The following NFYA variants were observed in gnomAD, a reference collection of about 807,000 sequenced individuals.
The protein encoded by NFYA is nuclear transcription factor Y subunit alpha.
A neutral mutation model predicts 52.8 loss-of-function variants in NFYA; 28 were observed. That is an observed-to-expected ratio of 0.53 (90% CI 0.39 to 0.73). The LOEUF (loss-of-function observed/expected upper bound fraction) is 0.73, where lower values mean the gene tolerates loss of function less well. NFYA is among the 30% of genes least tolerant of loss of function. The probability of loss-of-function intolerance (pLI) is 0.00; values close to 1 mark genes in which losing one functional copy is unlikely to be tolerated. For synonymous variants in NFYA, 150 were observed against 150.7 expected (o/e 1.00, Z 0.03); for missense variants, 234 against 427.0 (o/e 0.55, Z 3.98).
At position 41,099,105 on chromosome 6, in the gene NFYA, G is replaced by A. The variant is rs113931093; in HGVS notation, c.*1695G>A. ...GTACAGAGCTATGCAAAGGAAACAGGAAGTGAAATATTCCTAGTCCCAGGG... is the reference window on the plus strand; with the variant it reads ...GTACAGAGCTATGCAAAGGAAACAGAAAGTGAAATATTCCTAGTCCCAGGG... On this transcript the variant is annotated 3_prime_UTR_variant, in exon 10 of 10. Transcript: ENST00000341376. 6.6e-6 allele frequency: 1 copy of A among 152,212 alleles called. No individual in the cohort carries two copies. The highest frequency in any genetic ancestry group is 2.4e-5 in the African/African-American group (1 of 41,456). 9.4% of individuals were successfully genotyped at this position (152,212 alleles called of 1,614,324 possible).
intron 9 of NFYA, among the ~76,000 whole-genome samples, chr6:41,095,241 C>T (rs1404856328): frequency 6.6e-6 from 1 of 152,188 alleles, no homozygotes; most frequent in Non-Finnish European, 1.5e-5. Context: ...GCCTTACATG[C>T]TCCAGCTCCT....
At chr6:41,094,856 T>A (rs1764304008) in intron 9 of NFYA, among the ~76,000 whole-genome samples, 1 of 152,236 alleles carries the variant, frequency 6.6e-6, no homozygotes, top group Non-Finnish European at 1.5e-5. Flanking sequence ...CTCTTCGTCT[T>A]TGTCACTTAT....
chr6:41,100,679 C>T lies in NFYA; in HGVS notation c.*3269C>T, dbSNP rs1231676727. Among the ~76,000 whole-genome samples, 1 of 152,222 alleles carries T rather than the reference C, an allele frequency of 6.6e-6. No homozygotes were observed. The highest frequency in any genetic ancestry group is 2.4e-5 in the African/African-American group (1 of 41,458). On this transcript the variant is annotated 3_prime_UTR_variant, in exon 10 of 10. Coordinates refer to ENST00000341376, the MANE Select transcript of NFYA (RefSeq NM_002505.5). The stretch of plus-strand genomic sequence containing the variant: ...CTGTCCTTACCAAATTCAGAGATGA[C>T]CCAAGATTCTACTCTGTGGTATGAG...
At chr6:41,084,288 C>A in intron 4 of NFYA, 96 bp downstream of exon 4, 1 of 1,395,794 alleles carries the variant, frequency 7.2e-7, no homozygotes, top group South Asian at 1.4e-5. Flanking sequence ...TTGCATTTAA[C>A]TGCTTCCTAA....
intron 9 of NFYA, among the ~76,000 whole-genome samples, chr6:41,096,659 C>G (rs574819260): frequency 2.4e-4 from 37 of 152,334 alleles, no homozygotes; most frequent in Admixed American, 1.2e-3. Flanking sequence ...ACCAAGGCTT[C>G]AGAGCCTTGG....
chr6:41,082,892 A>G lies in NFYA; in HGVS notation c.163-1154A>G, dbSNP rs181434629. ...CAGTTTAACAAAACTTAGGATTTCAATGTTCCTGGTGATTCTAATACATTA... is the reference window on the plus strand; with the variant it reads ...CAGTTTAACAAAACTTAGGATTTCAGTGTTCCTGGTGATTCTAATACATTA... On this transcript the variant is annotated intron_variant, in intron 3 of 9. Coordinates refer to ENST00000341376, the MANE Select transcript of NFYA (RefSeq NM_002505.5). Among the ~76,000 whole-genome samples, 68 of 152,296 alleles carry G rather than the reference A, an allele frequency of 4.5e-4. No homozygotes were observed. The East Asian group carries it at 5.0e-3, about 11-fold the overall frequency.
chr6:41,090,271 A>G lies in NFYA; in HGVS notation c.509A>G (p.Tyr170Cys), dbSNP rs756585756. 6 of 1,614,032 alleles carry G rather than the reference A, an allele frequency of 3.7e-6. No individual in the cohort carries two copies. Among genetic ancestry groups the G allele is most frequent in the South Asian group, 2.2e-5 (2 of 91,076 alleles). The change falls in exon 6 of 10, where the codon TAT (tyrosine) becomes TGT (cysteine). Residue 170 changes from tyrosine to cysteine, a missense_variant. By Grantham distance (194) the Tyr-to-Cys change is radical (BLOSUM62 -2). Transcript: ENST00000341376. ...AQTAEGQTIV[Y>C]QPVNADGTIL... ...ACTGCTGAAGGGCAGACCATCGTCT[A>G]TCAACCAGTTAATGCAGATGGCACC... is the stretch of plus-strand genomic sequence containing the variant.
intron 6 of NFYA, among the ~76,000 whole-genome samples, chr6:41,090,727 C>G (rs1195337503): frequency 1.3e-5 from 2 of 152,074 alleles, no homozygotes; most frequent in African/African-American, 4.8e-5. Context: ...GAAGGGTCCT[C>G]AAAGAGCCTC....
chr6:41,094,259 G>A (rs746413326), intron 8 of NFYA, 137 bp from the exon 9 acceptor site: 13 of 655,244 alleles, frequency 2.0e-5, no homozygotes, highest in Non-Finnish European at 2.9e-5. Flanking sequence ...AGCTTCCATC[G>A]TCATTCTAAG....
chr6:41,094,334 C>G, intron 8 of NFYA, 62 bp from the exon 9 acceptor site: 1 of 1,400,604 alleles, frequency 7.1e-7, no homozygotes, highest in Non-Finnish European at 1.0e-6. Context: ...AATTTGTGCA[C>G]TAGATAACTG....
intron 9 of NFYA, among the ~76,000 whole-genome samples, chr6:41,097,017 C>T (rs183659577): frequency 1.3e-5 from 2 of 152,292 alleles, no homozygotes; most frequent in East Asian, 3.9e-4. Flanking sequence ...GACATGGTTT[C>T]TCTGGGTCTT....
chr6:41,082,086 C>G (rs1030941096), intron 3 of NFYA, among the ~76,000 whole-genome samples: 7 of 152,170 alleles, frequency 4.6e-5, no homozygotes, highest in African/African-American at 1.7e-4. Flanking sequence ...AAAGTAGAAT[C>G]TAGAATGTAG....
chr6:41,088,606 C>T (rs1380201946), intron 4 of NFYA, among the ~76,000 whole-genome samples: 3 of 151,776 alleles, frequency 2.0e-5, no homozygotes, highest in Non-Finnish European at 4.4e-5. Flanking sequence ...TTTTTTGAGA[C>T]AGTTACTCGC....
intron 1 of NFYA, among the ~76,000 whole-genome samples, chr6:41,074,585 G>C (rs1561848619): frequency 1.3e-5 from 2 of 152,228 alleles, no homozygotes; most frequent in African/African-American, 4.8e-5. Context: ...GAGAAGAAAA[G>C]CATGTGCAGA....
chr6:41,091,906 A>G (rs1764207830), intron 7 of NFYA, among the ~76,000 whole-genome samples: 1 of 152,202 alleles, frequency 6.6e-6, no homozygotes, highest in African/African-American at 2.4e-5. Context: ...ACTATTCTAG[A>G]TGCTGGAGAT....
intron 1 of NFYA, among the ~76,000 whole-genome samples, chr6:41,074,042 C>CTA (rs1763651758): frequency 2.0e-5 from 3 of 152,120 alleles, no homozygotes; most frequent in Middle Eastern, 3.2e-3. Flanking sequence ...GTTCATATTA[C>CTA]TAATCTTATC....
Position 41,097,849 on chromosome 6 carries a change from C to A in NFYA, c.*439C>A, listed in dbSNP as rs968337200. 1 of 159,026 alleles carries A rather than the reference C, an allele frequency of 6.3e-6. No homozygotes were observed. The highest frequency in any genetic ancestry group is 2.4e-5 in the African/African-American group (1 of 41,612). The allele number at this position is 159,026 out of a possible 1,614,324, so 9.9% of individuals were successfully genotyped here. ...TTATCCCTCTGGTGGGGGAATCTCA[C>A]ACTGACTAACTGAATGGACGCTTTG... On this transcript the variant is annotated 3_prime_UTR_variant, in exon 10 of 10. Transcript: ENST00000341376.
At chr6:41,076,708 G>C (rs913351290) in intron 1 of NFYA, among the ~76,000 whole-genome samples, 1 of 152,168 alleles carries the variant, frequency 6.6e-6, no homozygotes, top group Non-Finnish European at 1.5e-5. Context: ...TCAAAACTTT[G>C]TGTTAAGAGC....
At chr6:41,092,343 G>A (rs937671208) in intron 7 of NFYA, among the ~76,000 whole-genome samples, 5 of 152,260 alleles carry the variant, frequency 3.3e-5, no homozygotes, top group African/African-American at 1.2e-4. Flanking sequence ...CCTGGGCAAT[G>A]TAGAGAGACC....
Sources: gnomAD v4.1 joint callset for allele counts (sites outside exome capture counted in the v4.1 genomes callset) on GRCh38, gnomAD v4.1.1 for gene constraint, MANE v1.5 for transcripts, NCBI Gene and HGNC (gene_info 2026-07-23, HGNC 2026-07-21) for gene names.